UMOD: variants seen among roughly 807,000 people sequenced by gnomAD.
The protein encoded by UMOD is Tamm-Horsfall urinary glycoprotein.
Under a neutral mutation model 66.0 loss-of-function variants are expected in UMOD, and 64 were observed. The ratio of observed to expected loss-of-function variants is 0.97; its 90% CI spans 0.79 to 1.19. The LOEUF (loss-of-function observed/expected upper bound fraction) is 1.19, where lower values mean the gene tolerates loss of function less well. Ranked by LOEUF, UMOD falls within the 50% of genes most tolerant of loss-of-function variation. The probability of loss-of-function intolerance (pLI) is 0.00; values close to 1 mark genes in which losing one functional copy is unlikely to be tolerated. For missense variants in UMOD, 764 were observed against 850.9 expected (o/e 0.90, Z 1.27); for synonymous variants, 398 against 352.7 (o/e 1.13, Z -1.44).
chr16:20,356,085 A>G (rs1391110289), upstream of UMOD: 1 of 152,222 alleles, frequency 6.6e-6, no homozygotes, highest in African/African-American at 2.4e-5. Context: ...AAATTGATCA[A>G]ACAGAACACA....
chr16:20,350,196 G>A (rs923254698), intron 2 of UMOD, among the ~76,000 whole-genome samples: 1 of 152,110 alleles, frequency 6.6e-6, no homozygotes, highest in African/African-American at 2.4e-5. Context: ...ATGAAAGTGG[G>A]GTGACAGCAA....
chr16:20,350,731 G>T lies in UMOD; in HGVS notation c.7C>A (p.Gln3Lys). 1 of 1,614,156 alleles carries T rather than the reference G, an allele frequency of 6.2e-7. No individual in the cohort carries two copies. The highest frequency in any genetic ancestry group is 1.1e-5 in the South Asian group (1 of 91,076). The change falls in exon 2 of 11, where the codon CAG (glutamine) becomes AAG (lysine). Residue 3 changes from glutamine to lysine, a missense_variant. Transcript: ENST00000396138. ...ATCAGCATCCAAGTCAGAGATGGCT[G>T]CCCCATCCTTTCTGCTCTTCCCGCT... MG[Q>K]PSLTWMLMVV...
chr16:20,345,502 C>CCCTTCCTTCCTTCCTT lies in UMOD; in HGVS notation c.1182+608_1182+623dup, dbSNP rs1228147595. On this transcript the variant is annotated intron_variant, in intron 5 of 10. Coordinates refer to ENST00000396138, the MANE Select transcript of UMOD (RefSeq NM_003361.4). ...TCCTTCCCTCCCTCCCTCCCTCCCT[C>CCCTTCCTTCCTTCCTT]CCTTCCTTCCTTCCTTCCTTCCTTC... Among the ~76,000 whole-genome samples, 40 of 53,022 alleles carry CCCTTCCTTCCTTCCTT rather than the reference C, an allele frequency of 7.5e-4. 1 individual carries two copies. Among genetic ancestry groups the CCCTTCCTTCCTTCCTT allele is most frequent in the Admixed American group, 2.1e-3 (10 of 4,838 alleles). The allele number at this position is 53,022 out of a possible 152,430, so 34.8% of individuals were successfully genotyped here.
At chr16:20,343,551 C>T (rs1965362135) in intron 6 of UMOD, among the ~76,000 whole-genome samples, 1 of 152,238 alleles carries the variant, frequency 6.6e-6, no homozygotes, top group Non-Finnish European at 1.5e-5. Context: ...ATTTGATTCA[C>T]ATCTGAATCA....
chr16:20,333,492 C>T (rs922609209), intron 10 of UMOD, 117 bp from the exon 11 acceptor site: 5 of 972,954 alleles, frequency 5.1e-6, no homozygotes, highest in African/African-American at 3.3e-5. Context: ...CTGGGCTGCT[C>T]TCCTAGAAAA....
At position 20,333,381 on chromosome 16, in the gene UMOD, A is replaced by G. The variant is rs958647553; in HGVS notation, c.1862-6T>C. 2 of 1,611,530 alleles carry G rather than the reference A, an allele frequency of 1.2e-6. No individual in the cohort carries two copies. Among genetic ancestry groups the G allele is most frequent in the African/African-American group, 2.7e-5 (2 of 75,008 alleles). On this transcript the variant is annotated splice_region_variant and splice_polypyrimidine_tract_variant and intron_variant, in intron 10 of 10. Transcript: ENST00000396138. ...CAGCCAGACTTTCAGGAGCCCTGAA[A>G]AGAAAACAGTGACAGGGCAACTGCT...
In UMOD at chr16:20,344,312, G is replaced by A. The variant is rs187192153; in HGVS notation, c.1183-140C>T. On this transcript the variant is annotated intron_variant, in intron 5 of 10. Coordinates refer to ENST00000396138, the MANE Select transcript of UMOD (RefSeq NM_003361.4). ...GCTCTCCTAGTCTCCTTGATAAAAA[G>A]CTGCCTGTGGCCGGGCGCATTAGCT... 1.3e-3 allele frequency: 1,133 copies of A among 863,128 alleles called. 3 individuals are homozygous for A. The highest frequency in any genetic ancestry group is 1.9e-3 in the Non-Finnish European group (1,010 of 545,630). The allele number at this position is 863,128 out of a possible 1,614,324, so 53.5% of individuals were successfully genotyped here. A position where few individuals can be genotyped will look rare whatever the true frequency, so the allele number is the denominator to read the frequency against.
chr16:20,350,570 G>C (rs1323811691), intron 2 of UMOD, 80 bp downstream of exon 2: 1 of 1,542,582 alleles, frequency 6.5e-7, no homozygotes, highest in African/African-American at 1.4e-5. Context: ...ACCTCTGACA[G>C]GTGCTACATT....
At chr16:20,339,502 T>G (rs758182719) in intron 7 of UMOD, among the ~76,000 whole-genome samples, 1 of 152,248 alleles carries the variant, frequency 6.6e-6, no homozygotes, top group African/African-American at 2.4e-5. Flanking sequence ...AGTTAGACTC[T>G]GCTAATTGCA....
In UMOD at chr16:20,348,782, C is replaced by A. The variant is rs1241321557; in HGVS notation, c.519G>T (p.Pro173=). ...CGTCCAGGGTGCGGTGCGCCTGGCACGGATCCGCGCACACGAGCGCGTCGC... is the reference window on the plus strand; with the variant it reads ...CGTCCAGGGTGCGGTGCGCCTGGCAAGGATCCGCGCACACGAGCGCGTCGC... ...PEGDALVCAD[P]CQAHRTLDEY... Residue 173 remains proline (P), a synonymous_variant, in exon 3 of 11, where the codon CCG becomes CCT. Transcript: ENST00000396138. 3 of 1,543,736 alleles carry A rather than the reference C, an allele frequency of 1.9e-6. No individual in the cohort carries two copies. The highest frequency in any genetic ancestry group is 4.9e-5 in the East Asian group (2 of 40,862).
At chr16:20,343,365 G>A (rs1300911142) in intron 6 of UMOD, among the ~76,000 whole-genome samples, 1 of 152,148 alleles carries the variant, frequency 6.6e-6, no homozygotes, top group Non-Finnish European at 1.5e-5. Flanking sequence ...ACACTTGCAA[G>A]GAGCGTAATT....
chr16:20,340,452 G>A (rs751843708), intron 7 of UMOD, among the ~76,000 whole-genome samples: 99 of 126,520 alleles, frequency 7.8e-4, no homozygotes, highest in Admixed American at 2.3e-3. Context: ...GTGTGTGTGT[G>A]TATATATATG....
At chr16:20,333,835 A>G (rs1366091564) in intron 10 of UMOD, among the ~76,000 whole-genome samples, 1 of 152,106 alleles carries the variant, frequency 6.6e-6, no homozygotes, top group Middle Eastern at 3.2e-3. Flanking sequence ...AGAGTTCAAG[A>G]CCAGCCTGGC....
upstream of UMOD, among the ~76,000 whole-genome samples, chr16:20,355,141 CT>C (rs1966011022): frequency 6.6e-6 from 1 of 152,110 alleles, no homozygotes; most frequent in East Asian, 1.9e-4. Context: ...CCCAGCAGCT[CT>C]TCCTCTCCCT....
upstream of UMOD, among the ~76,000 whole-genome samples, chr16:20,354,222 A>G (rs1353089618): frequency 6.6e-6 from 1 of 152,164 alleles, no homozygotes; most frequent in African/African-American, 2.4e-5. Context: ...ACATTTCTCC[A>G]TCCTGTCCCA....
chr16:20,353,951 C>T (rs1233116178), upstream of UMOD, among the ~76,000 whole-genome samples: 1 of 152,192 alleles, frequency 6.6e-6, no homozygotes, highest in Admixed American at 6.5e-5. Flanking sequence ...GTTCCCCTTC[C>T]TGTGTCCAAG....
At chr16:20,344,202 G>A in intron 5 of UMOD, 30 bp from the exon 6 acceptor site, 6 of 1,427,368 alleles carry the variant, frequency 4.2e-6, no homozygotes, top group South Asian at 3.4e-5. Flanking sequence ...TGGAGGGGGG[G>A]TGGGGATGAG....
intron 10 of UMOD, 133 bp downstream of exon 10, chr16:20,335,349 C>G: frequency 1.1e-6 from 1 of 879,926 alleles, no homozygotes; most frequent in Non-Finnish European, 1.8e-6. Context: ...CTCTGAGCCA[C>G]TCTCCTTATT....
rs36060036 is a variant in UMOD, at chr16:20,350,628, C to T, written c.88+22G>A. The T allele has an allele frequency of 0.15, 246,890 of 1,613,248 alleles. 20,422 individuals carry two copies. Among genetic ancestry groups the T allele is most frequent in the Non-Finnish European group, 0.17 (195,569 of 1,179,468 alleles). ...TACACGTGCATACACACATATACAA[C>T]GCACACACACTTTTCACTTACTTGC... On this transcript the variant is annotated intron_variant, in intron 2 of 10. Transcript: ENST00000396138.
Sources: gnomAD v4.1 joint callset for allele counts (sites outside exome capture counted in the v4.1 genomes callset) on GRCh38, gnomAD v4.1.1 for gene constraint, MANE v1.5 for transcripts, NCBI Gene and HGNC (gene_info 2026-07-23, HGNC 2026-07-21) for gene names.